Variants in RFC3 observed in about 807,000 individuals in gnomAD.
RFC3 encodes A1 38 kDa subunit.
Under a neutral mutation model 45.1 loss-of-function variants are expected in RFC3, and 41 were observed. The observed-to-expected ratio is 0.91, with a 90% CI of 0.71 to 1.18. The LOEUF (loss-of-function observed/expected upper bound fraction) is 1.18. Ranked by LOEUF, RFC3 falls within the 50% of genes most tolerant of loss-of-function variation. RFC3 has a pLI of 0.00. For synonymous variants in RFC3, 149 were observed against 144.0 expected (o/e 1.03, Z -0.25); for missense variants, 423 against 428.1 (o/e 0.99, Z 0.10).
intron 8 of RFC3, among the ~76,000 whole-genome samples, chr13:33,898,139 TA>T (rs1222685040): frequency 6.6e-6 from 1 of 152,040 alleles, no homozygotes; most frequent in Non-Finnish European, 1.5e-5. Flanking sequence ...AGAGTTTAAC[TA>T]CACACTAAAC....
chr13:33,914,103 A>C (rs1420483529), intron 8 of RFC3, among the ~76,000 whole-genome samples: 1 of 152,100 alleles, frequency 6.6e-6, no homozygotes, highest in Non-Finnish European at 1.5e-5. Flanking sequence ...TCCTTATGAT[A>C]GTGATATTAA....
intron 1 of RFC3, among the ~76,000 whole-genome samples, chr13:33,820,724 C>T (rs951716230): frequency 2.0e-5 from 3 of 152,120 alleles, no homozygotes; most frequent in African/African-American, 7.2e-5. Context: ...GAATCCTAAT[C>T]TCATGGATGA....
downstream of RFC3, among the ~76,000 whole-genome samples, chr13:33,967,741 C>T (rs1400824877): frequency 6.6e-6 from 1 of 152,044 alleles, no homozygotes; most frequent in Non-Finnish European, 1.5e-5. Context: ...CCACCTCGGC[C>T]TCTCAAAGTG....
chr13:33,831,213 C>T, intron 6 of RFC3, 43 bp from the exon 7 acceptor site: 1 of 1,227,790 alleles, frequency 8.1e-7, no homozygotes, highest in Non-Finnish European at 1.2e-6. Flanking sequence ...AGGACATAAG[C>T]ACACTTCTGT....
chr13:33,848,342 C>G (rs2082253433), intron 8 of RFC3: 1 of 152,172 alleles, frequency 6.6e-6, no homozygotes, highest in African/African-American at 2.4e-5. Context: ...TTTCCATGCT[C>G]CTTCCCCCTT....
chr13:33,884,518 G>T (rs991992318), intron 8 of RFC3, among the ~76,000 whole-genome samples: 14 of 152,162 alleles, frequency 9.2e-5, no homozygotes, highest in Non-Finnish European at 1.6e-4. Context: ...AATTGTCTCT[G>T]ACCGTCAGAA....
chr13:33,834,375 A>G (rs1174390146), intron 7 of RFC3, among the ~76,000 whole-genome samples: 2 of 136,368 alleles, frequency 1.5e-5, no homozygotes, highest in Non-Finnish European at 3.1e-5. Flanking sequence ...AAGAATGTGT[A>G]TTTGGAACTT....
intron 8 of RFC3, chr13:33,835,588 C>A: frequency 2.4e-6 from 1 of 412,868 alleles, no homozygotes. Context: ...CCACTTTTAA[C>A]AGACCTCTTT....
intron 8 of RFC3, among the ~76,000 whole-genome samples, chr13:33,883,661 G>A (rs192285303): frequency 6.8e-4 from 104 of 152,208 alleles, no homozygotes; most frequent in African/African-American, 2.4e-3. Flanking sequence ...AAGGGTACAT[G>A]GATCTCTGTA....
chr13:33,840,431 T>C (rs1485682191), downstream of RFC3, among the ~76,000 whole-genome samples: 1 of 152,230 alleles, frequency 6.6e-6, no homozygotes, highest in Non-Finnish European at 1.5e-5. Flanking sequence ...GTCTGCTTAT[T>C]ATATCTGTCA....
rs1447095452 is a variant in RFC3, at chr13:33,859,658, A to G, written c.879+24441A>G. On this transcript the variant is annotated intron_variant, in intron 8 of 8. Transcript: ENST00000434425. ...GAGGAACATGAATTATTTTTATAAT[A>G]AAGCATTATTAGGATGCACATATAT... Among the ~76,000 whole-genome samples, 7 of 152,212 alleles carry G rather than the reference A, an allele frequency of 4.6e-5. No individual in the cohort carries two copies. The East Asian group carries it at 1.3e-3, about 29-fold the overall frequency.
At chr13:33,916,932 A>G (rs1458708638) in intron 8 of RFC3, among the ~76,000 whole-genome samples, 1 of 152,176 alleles carries the variant, frequency 6.6e-6, no homozygotes, top group East Asian at 1.9e-4. Flanking sequence ...TTAACACCCA[A>G]CATATGTCAG....
chr13:33,892,911 T>A (rs1424826761), intron 8 of RFC3, among the ~76,000 whole-genome samples: 1 of 152,144 alleles, frequency 6.6e-6, no homozygotes, highest in African/African-American at 2.4e-5. Context: ...GTGCACAAAG[T>A]ATTTCCCTCC....
chr13:33,936,638 A>G (rs776564629), intron 8 of RFC3, among the ~76,000 whole-genome samples: 14 of 152,194 alleles, frequency 9.2e-5, no homozygotes, highest in Non-Finnish European at 1.6e-4. Flanking sequence ...CCCAAAGAAT[A>G]TAAAAGATTG....
chr13:33,931,758 T>C (rs2082853937), intron 8 of RFC3, among the ~76,000 whole-genome samples: 1 of 152,134 alleles, frequency 6.6e-6, no homozygotes, highest in African/African-American at 2.4e-5. Flanking sequence ...CCCTTTCCTC[T>C]AAGAGTCTCC....
At chr13:33,937,815 G>A (rs2082896704) in intron 8 of RFC3, among the ~76,000 whole-genome samples, 1 of 152,094 alleles carries the variant, frequency 6.6e-6, no homozygotes, top group South Asian at 2.1e-4. Context: ...CCTCTAATGT[G>A]CTCCTCAGGG....
chr13:33,859,643 A>T (rs2082328232), intron 8 of RFC3, among the ~76,000 whole-genome samples: 1 of 152,204 alleles, frequency 6.6e-6, no homozygotes, highest in South Asian at 2.1e-4. Context: ...GAGGAACATG[A>T]ATTATTTTTA....
At chr13:33,889,019 CAGGCAT>C (rs1438114632) in intron 8 of RFC3, among the ~76,000 whole-genome samples, 2 of 152,218 alleles carry the variant, frequency 1.3e-5, no homozygotes, top group South Asian at 2.1e-4. Flanking sequence ...GCTGGGATTA[CAGGCAT>C]GAGCCATCGC....
chr13:33,925,407 T>C (rs2082802033), intron 8 of RFC3, among the ~76,000 whole-genome samples: 2 of 117,644 alleles, frequency 1.7e-5, no homozygotes, highest in Admixed American at 9.0e-5. Context: ...TAGTGTACTA[T>C]ATACATACAT....
Sources: gnomAD v4.1 joint callset for allele counts (sites outside exome capture counted in the v4.1 genomes callset) on GRCh38, gnomAD v4.1.1 for gene constraint, MANE v1.5 for transcripts, NCBI Gene and HGNC (gene_info 2026-07-23, HGNC 2026-07-21) for gene names.